Variants in GRID2 observed in about 807,000 individuals in gnomAD.
GRID2 encodes the protein glutamate receptor ionotropic, delta-2.
Under a neutral mutation model 114.8 loss-of-function variants are expected in GRID2, and 33 were observed. That is an observed-to-expected ratio of 0.29 (90% CI 0.22 to 0.38). GRID2 has a LOEUF of 0.38. GRID2 is among the 10% of genes least tolerant of loss of function. The pLI is 1.00. For missense variants in GRID2, 1,184 were observed against 1,257.7 expected, an observed-to-expected ratio of 0.94 and a Z score of 0.89; for synonymous variants, 505 against 449.9, an observed-to-expected ratio of 1.12 and a Z score of -1.55.
chr4:93,368,265 A>G (rs1170488625), intron 8 of GRID2, among the ~76,000 whole-genome samples: 1 of 152,154 alleles, frequency 6.6e-6, no homozygotes, highest in Non-Finnish European at 1.5e-5. Flanking sequence ...AAGTATCTAG[A>G]AAATCAGTAA....
Position 93,479,602 on chromosome 4 carries a change from A to G in GRID2, c.1859-11037A>G, listed in dbSNP as rs569895654. ...GGGAGTGGGGATGGGGCGGGGAACT[A>G]GCATAAGTCCTGGAGTCCCTAGGCC... On this transcript the variant is annotated intron_variant, in intron 11 of 15. Coordinates refer to ENST00000282020, the MANE Select transcript of GRID2 (RefSeq NM_001510.4). Among the ~76,000 whole-genome samples, 4 of 152,210 alleles carry G rather than the reference A, an allele frequency of 2.6e-5. No homozygotes were observed. The East Asian group carries it at 7.8e-4, about 30-fold the overall frequency.
chr4:93,740,787 A>T (rs1477235016), intron 14 of GRID2, among the ~76,000 whole-genome samples: 2 of 151,980 alleles, frequency 1.3e-5, no homozygotes, highest in Non-Finnish European at 2.9e-5. Flanking sequence ...TACAGTGATA[A>T]TTCACCTCTC....
intron 1 of GRID2, among the ~76,000 whole-genome samples, chr4:92,401,491 T>G (rs1730786514): frequency 6.6e-6 from 1 of 152,172 alleles, no homozygotes; most frequent in Non-Finnish European, 1.5e-5. Flanking sequence ...GGTTTAGTTT[T>G]AGACCACTGC....
intron 2 of GRID2, among the ~76,000 whole-genome samples, chr4:92,976,093 T>G (rs1473342590): frequency 6.6e-6 from 1 of 152,096 alleles, no homozygotes; most frequent in Non-Finnish European, 1.5e-5. Flanking sequence ...TTTCAATTAC[T>G]TGTTTTTATT....
chr4:93,180,947 G>T (rs541516806), intron 4 of GRID2, among the ~76,000 whole-genome samples: 2 of 152,200 alleles, frequency 1.3e-5, no homozygotes, highest in East Asian at 1.9e-4. Context: ...TCCTGCTCAT[G>T]TTGATATTTT....
chr4:93,194,433 AT>A (rs918709342), intron 4 of GRID2, among the ~76,000 whole-genome samples: 4 of 152,052 alleles, frequency 2.6e-5, no homozygotes, highest in Non-Finnish European at 4.4e-5. Context: ...AAAATATAGT[AT>A]TTTTTTCTAA....
chr4:92,467,036 TTATTAC>T (rs1579415281), intron 1 of GRID2, among the ~76,000 whole-genome samples: 5 of 151,836 alleles, frequency 3.3e-5, no homozygotes, highest in Admixed American at 2.6e-4. Flanking sequence ...CATTGCAAAG[TTATTAC>T]TATTAGAGAA....
chr4:92,782,505 G>A (rs1183295344), intron 2 of GRID2, among the ~76,000 whole-genome samples: 1 of 151,988 alleles, frequency 6.6e-6, no homozygotes, highest in Non-Finnish European at 1.5e-5. Flanking sequence ...ATTAAAAATA[G>A]GCTTAACCAA....
intron 2 of GRID2, among the ~76,000 whole-genome samples, chr4:92,984,004 A>G (rs1754366076): frequency 1.3e-5 from 2 of 152,162 alleles, no homozygotes; most frequent in South Asian, 4.1e-4. Flanking sequence ...AGGGTACATA[A>G]CCTCTTTGGC....
chr4:92,350,703 A>G (rs1728022743), intron 1 of GRID2, among the ~76,000 whole-genome samples: 1 of 151,810 alleles, frequency 6.6e-6, no homozygotes, highest in Non-Finnish European at 1.5e-5. Context: ...CATGTAATTC[A>G]CCCATTTAAA....
chr4:92,963,566 T>C (rs1019655211), intron 2 of GRID2, among the ~76,000 whole-genome samples: 4 of 152,014 alleles, frequency 2.6e-5, no homozygotes, highest in African/African-American at 9.7e-5. Flanking sequence ...CTACTTCTAA[T>C]ACTATTTCTC....
chr4:92,965,488 A>AAAC (rs1560752248), intron 2 of GRID2, among the ~76,000 whole-genome samples: 1 of 122,772 alleles, frequency 8.1e-6, no homozygotes, highest in African/African-American at 3.3e-5. Flanking sequence ...AAAAAAAAAA[A>AAAC]ACACACAACA....
chr4:92,921,136 C>G (rs748878155), intron 2 of GRID2, among the ~76,000 whole-genome samples: 3 of 152,086 alleles, frequency 2.0e-5, no homozygotes, highest in African/African-American at 7.2e-5. Flanking sequence ...TCCAGTTGAT[C>G]GCGTCGGCTA....
At chr4:92,642,516 T>G (rs1441558501) in intron 2 of GRID2, among the ~76,000 whole-genome samples, 1 of 151,858 alleles carries the variant, frequency 6.6e-6, no homozygotes, top group Non-Finnish European at 1.5e-5. Context: ...AGTTCTTCGT[T>G]GATTCCGGAG....
intron 14 of GRID2, among the ~76,000 whole-genome samples, chr4:93,714,309 A>T (rs1391215744): frequency 6.6e-6 from 1 of 152,078 alleles, no homozygotes; most frequent in Non-Finnish European, 1.5e-5. Context: ...CATGGTTTAT[A>T]TGGGCCACAT....
intron 1 of GRID2, among the ~76,000 whole-genome samples, chr4:92,478,045 G>T (rs1037386602): frequency 2.0e-5 from 3 of 151,564 alleles, no homozygotes; most frequent in Admixed American, 2.0e-4. Context: ...AAACGGCCTA[G>T]AAATTGATCT....
Position 92,729,570 on chromosome 4 carries a change from C to T in GRID2, c.244+139284C>T, listed in dbSNP as rs72883943. 8.6e-3 allele frequency among the ~76,000 whole-genome samples: 1,307 copies of T among 152,010 alleles called. 18 individuals are homozygous for T. The highest frequency in any genetic ancestry group is 0.03 in the African/African-American group (1,236 of 41,492). On this transcript the variant is annotated intron_variant, in intron 2 of 15. Coordinates refer to ENST00000282020, the MANE Select transcript of GRID2 (RefSeq NM_001510.4). ...GAAGCATTTCTTGTACTGTTTAATG[C>T]GCTAAAGCGTAAGGATTTTAGAAGT... is the stretch of plus-strand genomic sequence containing the variant.
At chr4:93,534,181 CT>C (rs1212979928) in intron 13 of GRID2, among the ~76,000 whole-genome samples, 2 of 152,194 alleles carry the variant, frequency 1.3e-5, no homozygotes, top group South Asian at 4.1e-4. Flanking sequence ...TGCAATACCC[CT>C]GATACCTCAG....
At chr4:92,954,384 G>A (rs1752238948) in intron 2 of GRID2, among the ~76,000 whole-genome samples, 1 of 151,860 alleles carries the variant, frequency 6.6e-6, no homozygotes, top group African/African-American at 2.4e-5. Context: ...GGGGGATCTT[G>A]GGATAAGGAG....
Sources: allele counts gnomAD v4.1 joint callset (sites outside exome capture counted in the v4.1 genomes callset), GRCh38; gene constraint gnomAD v4.1.1; transcripts MANE v1.5; gene names NCBI Gene and HGNC (gene_info 2026-07-23, HGNC 2026-07-21).